Variants in ANO4 observed in about 807,000 individuals in gnomAD.
ANO4 encodes the protein anoctamin 4.
A neutral mutation model predicts 141.9 loss-of-function variants in ANO4; 69 were observed. That is an observed-to-expected ratio of 0.49 (90% confidence interval 0.40 to 0.59). ANO4 has a LOEUF of 0.59. ANO4 is among the 20% of genes least tolerant of loss of function. ANO4 has a pLI of 0.00. For synonymous variants in ANO4, 350 were observed against 394.3 expected (o/e 0.89, Z 1.33); for missense variants, 894 against 1,162.2 (o/e 0.77, Z 3.36).
At chr12:101,003,082 C>T (rs2045719367) in intron 8 of ANO4, among the ~76,000 whole-genome samples, 1 of 152,204 alleles carries the variant, frequency 6.6e-6, no homozygotes, top group Non-Finnish European at 1.5e-5. Context: ...AGAAAACACT[C>T]ATCTTCTTCA....
intron 23 of ANO4, 114 bp downstream of exon 23, chr12:101,110,670 C>A (rs2050628696): frequency 3.2e-6 from 3 of 929,034 alleles, no homozygotes; most frequent in African/African-American, 3.4e-5. Flanking sequence ...TATAATTCAC[C>A]TAATTTTTGC....
intron 3 of ANO4, among the ~76,000 whole-genome samples, chr12:100,783,218 G>A (rs947221963): frequency 5.3e-5 from 8 of 152,168 alleles, no homozygotes; most frequent in African/African-American, 1.9e-4. Flanking sequence ...AGGACAGACT[G>A]CAGTGGGGGC....
chr12:100,997,074 G>A (rs997776936), intron 8 of ANO4, among the ~76,000 whole-genome samples: 6 of 152,042 alleles, frequency 3.9e-5, no homozygotes, highest in East Asian at 1.9e-4. Flanking sequence ...GGTGGCTCAC[G>A]CCTGTAATCC....
chr12:100,827,544 A>T (rs2036417292), intron 1 of ANO4, among the ~76,000 whole-genome samples: 1 of 152,010 alleles, frequency 6.6e-6, no homozygotes, highest in Non-Finnish European at 1.5e-5. Flanking sequence ...CTATGCCTAG[A>T]ATAATGCCTG....
chr12:101,055,601 A>T (rs1004451400), intron 14 of ANO4, among the ~76,000 whole-genome samples: 4 of 151,898 alleles, frequency 2.6e-5, no homozygotes, highest in Non-Finnish European at 4.4e-5. Flanking sequence ...GTGTTTGCAA[A>T]TTTTTTTCCC....
At chr12:100,793,760 C>T (rs1008796730), upstream of ANO4, among the ~76,000 whole-genome samples, 10 of 152,230 alleles carry the variant, frequency 6.6e-5, no homozygotes, top group Admixed American at 5.9e-4. Flanking sequence ...AAACTACATC[C>T]CTATATAATG....
intron 3 of ANO4, among the ~76,000 whole-genome samples, chr12:100,772,071 C>G (rs2033323362): frequency 6.6e-6 from 1 of 152,172 alleles, no homozygotes; most frequent in Non-Finnish European, 1.5e-5. Context: ...TGGACTATAT[C>G]AGGGCTAAGC....
At position 100,813,737 on chromosome 12, in the gene ANO4, T is replaced by A. The variant is rs545043762; in HGVS notation, c.-141+18710T>A. ...AAAGGAGCTTGAGCTTGGTCAGATA[T>A]CTTAAAAATGGTTGAATGTGGGATA... On this transcript the variant is annotated intron_variant, in intron 1 of 27. Coordinates refer to ENST00000392977, the MANE Select transcript of ANO4 (RefSeq NM_001286615.2). 4.9e-4 allele frequency among the ~76,000 whole-genome samples: 74 copies of A among 152,310 alleles called. 1 individual carries two copies. Among genetic ancestry groups the A allele is most frequent in the African/African-American group, 1.7e-3 (71 of 41,582 alleles).
intron 8 of ANO4, among the ~76,000 whole-genome samples, chr12:101,010,680 T>G (rs1226259225): frequency 1.3e-5 from 2 of 152,182 alleles, no homozygotes; most frequent in Non-Finnish European, 2.9e-5. Flanking sequence ...CTGTATCACC[T>G]TTGCTTCTCC....
chr12:100,831,979 G>A (rs567232088), intron 1 of ANO4, among the ~76,000 whole-genome samples: 4 of 152,174 alleles, frequency 2.6e-5, no homozygotes, highest in Admixed American at 6.5e-5. Flanking sequence ...GGCTGGTACC[G>A]TCTTTATTCC....
rs527702763 is a variant in ANO4, at chr12:100,849,875, C to T, written c.-140-51771C>T. ...TCAAATACCTGGGACCTTGTGGGCT[C>T]CGGATCAATTGTTCTGTTAATTGTC... On this transcript the variant is annotated intron_variant, in intron 1 of 27. Transcript: ENST00000392977. 1.3e-3 allele frequency among the ~76,000 whole-genome samples: 203 copies of T among 152,172 alleles called. 2 individuals carry two copies. Among genetic ancestry groups the T allele is most frequent in the African/African-American group, 4.3e-3 (180 of 41,522 alleles).
At chr12:100,752,971 C>G (rs1361211052) in intron 3 of ANO4, among the ~76,000 whole-genome samples, 1 of 152,180 alleles carries the variant, frequency 6.6e-6, no homozygotes. Context: ...TTGGAGTTGG[C>G]TGGCTCTTGG....
intron 5 of ANO4, among the ~76,000 whole-genome samples, chr12:100,955,104 C>T (rs756379058): frequency 3.3e-5 from 5 of 152,214 alleles, no homozygotes; most frequent in Admixed American, 3.3e-4. Flanking sequence ...TATTATGTTC[C>T]AGGCATTGTG....
At chr12:100,830,705 A>C (rs967420099) in intron 1 of ANO4, among the ~76,000 whole-genome samples, 3 of 152,024 alleles carry the variant, frequency 2.0e-5, no homozygotes, top group Admixed American at 6.6e-5. Flanking sequence ...TTCATACCAG[A>C]TACTTCTCCT....
chr12:101,103,164 A>C, intron 22 of ANO4, among the ~76,000 whole-genome samples: 1 of 133,222 alleles, frequency 7.5e-6, no homozygotes, highest in African/African-American at 2.8e-5. Flanking sequence ...ATAACTTTAC[A>C]TTTTCCTTTT....
chr12:100,818,332 G>A (rs2035849032), intron 1 of ANO4, among the ~76,000 whole-genome samples: 1 of 151,846 alleles, frequency 6.6e-6, no homozygotes, highest in Admixed American at 6.6e-5. Context: ...TGAGCTGTGG[G>A]TATCAGTCTT....
At chr12:100,987,354 A>C (rs3803140) in intron 7 of ANO4, among the ~76,000 whole-genome samples, 185 bp from the exon 8 acceptor site, 25,806 of 152,088 alleles carry the variant, frequency 0.17, 2,501 homozygotes, top group East Asian at 0.37. Flanking sequence ...CCACTTGGTG[A>C]AATCAAAACA....
intron 1 of ANO4, among the ~76,000 whole-genome samples, chr12:100,795,665 G>A (rs1260336376): frequency 6.6e-6 from 1 of 152,204 alleles, no homozygotes; most frequent in Non-Finnish European, 1.5e-5. Context: ...AGGGTACCCA[G>A]TTCTGCAAAC....
chr12:100,912,742 G>T (rs942308796), intron 2 of ANO4, among the ~76,000 whole-genome samples: 2 of 152,182 alleles, frequency 1.3e-5, no homozygotes, highest in African/African-American at 4.8e-5. Context: ...ACTGAAGCGT[G>T]GATGAGATAA....
Sources: allele counts gnomAD v4.1 joint callset (sites outside exome capture counted in the v4.1 genomes callset), GRCh38; gene constraint gnomAD v4.1.1; transcripts MANE v1.5; gene names NCBI Gene and HGNC (gene_info 2026-07-23, HGNC 2026-07-21).